NAB1: variants seen among roughly 807,000 people sequenced by gnomAD.
NAB1 encodes NGFI-A-binding protein 1.
In NAB1, 25 loss-of-function variants were observed where a neutral mutation model predicts 49.9. The ratio of observed to expected loss-of-function variants is 0.50; its 90% CI spans 0.37 to 0.70. The LOEUF is 0.70. Among genes scored for constraint, NAB1 ranks in the 30% least tolerant of loss-of-function variants. The pLI, the probability that NAB1 is intolerant of heterozygous loss-of-function variation, is 0.00. For missense variants in NAB1, 489 were observed against 575.9 expected (o/e 0.85, Z 1.54); for synonymous variants, 198 against 215.6 (o/e 0.92, Z 0.71).
At chr2:190,653,391 C>T (rs1693765179) in intron 2 of NAB1, among the ~76,000 whole-genome samples, 2 of 152,244 alleles carry the variant, frequency 1.3e-5, no homozygotes, top group South Asian at 4.1e-4. Context: ...TTAACTCTTC[C>T]CAAGGTTTTT....
chr2:190,687,672 G>A (rs6716985), intron 9 of NAB1, among the ~76,000 whole-genome samples: 34,461 of 152,024 alleles, frequency 0.23, 5,102 homozygotes, highest in South Asian at 0.34. Flanking sequence ...TTCTCCCCTT[G>A]GAAGTGGTAG....
rs200545682 is a variant in NAB1, at chr2:190,659,836, G to A, written c.660G>A (p.Glu220=). Residue 220 remains glutamate (E), a synonymous_variant, in exon 4 of 10, where the codon GAG becomes GAA. Coordinates refer to ENST00000337386, the MANE Select transcript of NAB1 (RefSeq NM_005966.4). The surrounding 1 kb of genome is among the most constrained non-coding windows in gnomAD (Gnocchi z 6.2). ...AAAGTGACTTGAATGAAGTGAAAGA[G>A]CTGCTAAAAACCAACAAGAAGTTGG... The part of the protein sequence containing the change: ...LPKSDLNEVK[E]LLKTNKKLAK... 7.4e-6 allele frequency: 12 copies of A among 1,614,116 alleles called. No homozygotes were observed. Among genetic ancestry groups the A allele is most frequent in the East Asian group, 2.2e-5 (1 of 44,904 alleles).
chr2:190,661,787 A>G (rs1196129619), intron 4 of NAB1, among the ~76,000 whole-genome samples: 1 of 152,158 alleles, frequency 6.6e-6, no homozygotes, highest in African/African-American at 2.4e-5. Flanking sequence ...TGTTTTTGAA[A>G]CTTAACTTAG....
rs1001395020 is a variant in NAB1 at position 190,652,054 on chromosome 2, A to C, written c.-197+2072A>C. ...GTGCAAATTCCCTTTCTGATCTGACATGTTCAATAACTCATACAACAGTAG... is the reference window on the plus strand; with the variant it reads ...GTGCAAATTCCCTTTCTGATCTGACCTGTTCAATAACTCATACAACAGTAG... On this transcript the variant is annotated intron_variant, in intron 2 of 9. Coordinates refer to ENST00000337386, the MANE Select transcript of NAB1 (RefSeq NM_005966.4). This position sits in a 1 kb window ranked among gnomAD's most constrained non-coding sequence, Gnocchi z 4.2. Among the ~76,000 whole-genome samples, 1 of 152,244 alleles carries C rather than the reference A, an allele frequency of 6.6e-6. No individual in the cohort carries two copies. Among genetic ancestry groups the C allele is most frequent in the Admixed American group, 6.5e-5 (1 of 15,294 alleles).
intron 4 of NAB1, among the ~76,000 whole-genome samples, chr2:190,661,131 T>C (rs1467049693): frequency 1.3e-5 from 2 of 152,132 alleles, no homozygotes; most frequent in Admixed American, 1.3e-4. Context: ...AGTTTCTCCA[T>C]TGTTGCCCAG....
chr2:190,658,879 C>A (rs983280241), intron 3 of NAB1, among the ~76,000 whole-genome samples: 1 of 152,216 alleles, frequency 6.6e-6, no homozygotes, highest in Non-Finnish European at 1.5e-5. Context: ...GCCAAAAATA[C>A]GGGACATGGA....
rs1457162914 is a variant in NAB1 at position 190,667,655 on chromosome 2, G to A, written c.820-2671G>A. Among the ~76,000 whole-genome samples the A allele has an allele frequency of 6.6e-6, 1 of 152,046 alleles. No individual in the cohort carries two copies. The highest frequency in any genetic ancestry group is 1.5e-5 in the Non-Finnish European group (1 of 67,980). On this transcript the variant is annotated intron_variant, in intron 4 of 9. Transcript: ENST00000337386. The surrounding 1 kb of genome is among the most constrained non-coding windows in gnomAD (Gnocchi z 4.4). ...AGACCTGGGTTTATTATTATAACTT[G>A]CTGTCAGTGGCCAAATTAATTGTCT...
At chr2:190,658,429 C>T (rs1392264738) in intron 3 of NAB1, among the ~76,000 whole-genome samples, 2 of 152,172 alleles carry the variant, frequency 1.3e-5, no homozygotes, top group East Asian at 1.9e-4. Flanking sequence ...TGTAACTCTT[C>T]CCTTAAACCA....
rs192917081 is a variant in NAB1 at position 190,673,837 on chromosome 2, G to T, written c.1005+685G>T. Among the ~76,000 whole-genome samples the T allele has an allele frequency of 1.9e-3, 287 of 152,222 alleles. 2 individuals carry two copies. The highest frequency in any genetic ancestry group is 3.1e-3 in the Non-Finnish European group (214 of 68,004). ...AAGAAAAACATACTTAGGACTCTCCGAACTATAGAATGGTTTCAGAACTAT... is the reference window on the plus strand; with the variant it reads ...AAGAAAAACATACTTAGGACTCTCCTAACTATAGAATGGTTTCAGAACTAT... On this transcript the variant is annotated intron_variant, in intron 6 of 9. Coordinates refer to ENST00000337386, the MANE Select transcript of NAB1 (RefSeq NM_005966.4).
At chr2:190,658,813 A>G (rs183926446) in intron 3 of NAB1, among the ~76,000 whole-genome samples, 2 of 152,364 alleles carry the variant, frequency 1.3e-5, no homozygotes, top group African/African-American at 4.8e-5. Flanking sequence ...CTCCTGCTAA[A>G]TTTGACTATC....
rs1320537001 is a variant in NAB1, at chr2:190,666,525, G to C, written c.820-3801G>C. On this transcript the variant is annotated intron_variant, in intron 4 of 9. Transcript: ENST00000337386. The surrounding 1 kb of genome is among the most constrained non-coding windows in gnomAD (Gnocchi z 5.6). Reference sequence around the variant, plus strand: ...AGTTCGAGACCAGCCTGGCCAACATGATGAAACCCCGTCTGTACTAAAAAT... The same window carrying C: ...AGTTCGAGACCAGCCTGGCCAACATCATGAAACCCCGTCTGTACTAAAAAT... 3.9e-5 allele frequency among the ~76,000 whole-genome samples: 6 copies of C among 152,026 alleles called. No homozygotes were observed. The highest frequency in any genetic ancestry group is 6.6e-5 in the Admixed American group (1 of 15,262).
rs1368503589 is a variant in NAB1 at position 190,667,923 on chromosome 2, A to G, written c.820-2403A>G. Among the ~76,000 whole-genome samples, 1 of 152,144 alleles carries G rather than the reference A, an allele frequency of 6.6e-6. No individual in the cohort carries two copies. The highest frequency in any genetic ancestry group is 2.4e-5 in the African/African-American group (1 of 41,434). ...CAAACTTAAAAAAAAATCCCATTAC[A>G]TATGATGAAGAGTTAATGCTGTTAA... On this transcript the variant is annotated intron_variant, in intron 4 of 9. Transcript: ENST00000337386. The surrounding 1 kb of genome is among the most constrained non-coding windows in gnomAD (Gnocchi z 4.4).
Position 190,674,097 on chromosome 2 carries a change from A to T in NAB1, c.1005+945A>T, listed in dbSNP as rs1694956791. Reference sequence around the variant, plus strand: ...GGCAGTAATCCTTTATTCATATCAAAGCCAGAGTTATCTTATAAAAACATA... The same window carrying T: ...GGCAGTAATCCTTTATTCATATCAATGCCAGAGTTATCTTATAAAAACATA... On this transcript the variant is annotated intron_variant, in intron 6 of 9. Coordinates refer to ENST00000337386, the MANE Select transcript of NAB1 (RefSeq NM_005966.4). This position sits in a 1 kb window ranked among gnomAD's most constrained non-coding sequence, Gnocchi z 5.7. Among the ~76,000 whole-genome samples the T allele has an allele frequency of 6.6e-6, 1 of 152,214 alleles. No homozygotes were observed. The highest frequency in any genetic ancestry group is 6.5e-5 in the Admixed American group (1 of 15,278).
Position 190,654,635 on chromosome 2 carries a change from G to A in NAB1, c.-196-1342G>A, listed in dbSNP as rs967789300. Among the ~76,000 whole-genome samples the A allele has an allele frequency of 2.2e-4, 17 of 77,218 alleles. No individual in the cohort carries two copies. The highest frequency in any genetic ancestry group is 6.3e-4 in the African/African-American group (17 of 26,814). The allele number at this position is 77,218 out of a possible 152,430, so 50.7% of individuals were successfully genotyped here. ...GCTTGGGTCTGGGATGCCTATATGA[G>A]TAGTTTGGATTTCTTTCTCTGCACT... On this transcript the variant is annotated intron_variant, in intron 2 of 9. Coordinates refer to ENST00000337386, the MANE Select transcript of NAB1 (RefSeq NM_005966.4). This position sits in a 1 kb window ranked among gnomAD's most constrained non-coding sequence, Gnocchi z 5.6.
chr2:190,691,467 A>G lies in NAB1; in HGVS notation c.*1134A>G, dbSNP rs1393084425. On this transcript the variant is annotated 3_prime_UTR_variant, in exon 10 of 10. Coordinates refer to ENST00000337386, the MANE Select transcript of NAB1 (RefSeq NM_005966.4). This position sits in a 1 kb window ranked among gnomAD's most constrained non-coding sequence, Gnocchi z 4.1. ...TTTTCTACACCTTTGAGATTTATGA[A>G]TGCAGTTTTTTCTTAAAATTTATTT... The G allele has an allele frequency of 6.6e-6, 1 of 152,162 alleles. No homozygotes were observed. Among genetic ancestry groups the G allele is most frequent in the East Asian group, 1.9e-4 (1 of 5,208 alleles). 9.4% of individuals were successfully genotyped at this position (152,162 alleles called of 1,614,324 possible).
At chr2:190,660,081 A>T in intron 4 of NAB1, 86 bp downstream of exon 4, 1 of 1,185,362 alleles carries the variant, frequency 8.4e-7, no homozygotes, top group Non-Finnish European at 1.2e-6. Flanking sequence ...TTTGCCACAA[A>T]TGTGATACAC....
Position 190,685,707 on chromosome 2 carries a change from G to A in NAB1, c.1258+69G>A, listed in dbSNP as rs1695573591. 6.6e-6 allele frequency: 8 copies of A among 1,209,752 alleles called. No individual in the cohort carries two copies. In the East Asian group the frequency reaches 2.2e-4, roughly 34 times the overall value. The allele number at this position is 1,209,752 out of a possible 1,614,324, so 74.9% of individuals were successfully genotyped here. On this transcript the variant is annotated intron_variant, in intron 8 of 9. Transcript: ENST00000337386. The surrounding 1 kb of genome is among the most constrained non-coding windows in gnomAD (Gnocchi z 4.5). ...ACTTCAAAGAGAAACAGAAGACAGTGGCTGATTTTTAAATTATGATATTTT... is the reference window on the plus strand; with the variant it reads ...ACTTCAAAGAGAAACAGAAGACAGTAGCTGATTTTTAAATTATGATATTTT...
In NAB1 at chr2:190,666,504, C is replaced by T. The variant is rs573820629; in HGVS notation, c.820-3822C>T. On this transcript the variant is annotated intron_variant, in intron 4 of 9. Transcript: ENST00000337386. The surrounding 1 kb of genome is among the most constrained non-coding windows in gnomAD (Gnocchi z 5.6). Reference sequence around the variant, plus strand: ...GGTGGATTGCTTGAGGTCAGGAGTTCGAGACCAGCCTGGCCAACATGATGA... The same window carrying T: ...GGTGGATTGCTTGAGGTCAGGAGTTTGAGACCAGCCTGGCCAACATGATGA... 1.3e-4 allele frequency among the ~76,000 whole-genome samples: 20 copies of T among 152,008 alleles called. No individual in the cohort carries two copies. The highest frequency in any genetic ancestry group is 2.2e-4 in the Non-Finnish European group (15 of 67,976).
At position 190,690,450 on chromosome 2, in the gene NAB1, C is replaced by A; in HGVS notation, c.*117C>A. The A allele has an allele frequency of 1.3e-6, 1 of 780,474 alleles. No homozygotes were observed. Among genetic ancestry groups the A allele is most frequent in the South Asian group, 1.7e-5 (1 of 59,468 alleles). The allele number at this position is 780,474 out of a possible 1,614,324, so 48.3% of individuals were successfully genotyped here. ...CATTCAGCTCAAACAGATTTCATAGCCAAAGCAAAAGGACTGGTACGGTAG... is the reference window on the plus strand; with the variant it reads ...CATTCAGCTCAAACAGATTTCATAGACAAAGCAAAAGGACTGGTACGGTAG... On this transcript the variant is annotated 3_prime_UTR_variant, in exon 10 of 10. Coordinates refer to ENST00000337386, the MANE Select transcript of NAB1 (RefSeq NM_005966.4).
Sources: gnomAD v4.1 joint callset for allele counts (sites outside exome capture counted in the v4.1 genomes callset) on GRCh38, gnomAD v4.1.1 for gene constraint, Gnocchi (gnomAD v3.1) non-coding constraint, MANE v1.5 for transcripts, NCBI Gene and HGNC (gene_info 2026-07-23, HGNC 2026-07-21) for gene names.